Variants in MGAT5B observed in about 807,000 individuals in gnomAD.
MGAT5B encodes the protein alpha-1,6-mannosylglycoprotein 6-beta-N-acetylglucosaminyltransferase B, also known as N-acetylglucosaminyl-transferase Vb.
In MGAT5B, 54 loss-of-function variants were observed where a neutral mutation model predicts 95.1. The observed-to-expected ratio is 0.57, with a 90% CI of 0.46 to 0.71. MGAT5B has a LOEUF of 0.71. Ranked by LOEUF, MGAT5B falls within the 30% of genes least tolerant of loss-of-function variation. MGAT5B has a pLI of 0.00. For missense variants in MGAT5B, 935 were observed against 1,088.6 expected, an observed-to-expected ratio of 0.86 and a Z score of 1.99; for synonymous variants, 464 against 451.0, an observed-to-expected ratio of 1.03 and a Z score of -0.36.
rs11077880 is a variant in MGAT5B at position 76,949,865 on chromosome 17, T to A, written c.*1027T>A. 31,695 of 152,106 alleles carry A rather than the reference T, an allele frequency of 0.21. 3,599 individuals are homozygous for A. Among genetic ancestry groups the A allele is most frequent in the Admixed American group, 0.29 (4,378 of 15,248 alleles). The allele number at this position is 152,106 out of a possible 1,614,324, so 9.4% of individuals were successfully genotyped here. ...ATGGTACGCCCTGCCCAGTTTCCAG[T>A]TGCCCTGTCCACTTACCCTAGGTAG... On this transcript the variant is annotated 3_prime_UTR_variant, in exon 18 of 18. Transcript: ENST00000569840.
intron 8 of MGAT5B, among the ~76,000 whole-genome samples, chr17:76,919,740 C>A (rs894945): frequency 0.34 from 51,717 of 152,108 alleles, 9,734 homozygotes; most frequent in East Asian, 0.7. Context: ...TGGCTTTTTA[C>A]AAACTTGTAG....
At chr17:76,919,942 G>A (rs180822321) in intron 8 of MGAT5B, among the ~76,000 whole-genome samples, 36 of 152,256 alleles carry the variant, frequency 2.4e-4, no homozygotes, top group Middle Eastern at 6.8e-3. Context: ...TAGCTTTTCC[G>A]GGTGGATTAA....
Position 76,938,233 on chromosome 17 carries a change from T to G in MGAT5B, c.1584+90T>G, listed in dbSNP as rs1969739908. On this transcript the variant is annotated intron_variant, in intron 13 of 17. Coordinates refer to ENST00000569840, the MANE Select transcript of MGAT5B (RefSeq NM_001199172.2). The surrounding 1 kb of genome is among the most constrained non-coding windows in gnomAD (Gnocchi z 4.3). ...TGCCTGCCACCACCACTCAGGCCCC[T>G]TCCACATATGGACATACCCCAGCAT... is the stretch of plus-strand genomic sequence containing the variant. 1 of 1,496,406 alleles carries G rather than the reference T, an allele frequency of 6.7e-7. No homozygotes were observed. The highest frequency in any genetic ancestry group is 9.1e-7 in the Non-Finnish European group (1 of 1,093,540). 92.7% of individuals were successfully genotyped at this position (1,496,406 alleles called of 1,614,324 possible).
At chr17:76,875,789 A>C (rs557137914) in intron 2 of MGAT5B, among the ~76,000 whole-genome samples, 1 of 150,312 alleles carries the variant, frequency 6.7e-6, no homozygotes, top group East Asian at 2.0e-4. Flanking sequence ...TGCTGCTATG[A>C]ATATTTCAGT....
At chr17:76,934,675 A>G (rs1969597235) in intron 12 of MGAT5B, among the ~76,000 whole-genome samples, 1 of 152,224 alleles carries the variant, frequency 6.6e-6, no homozygotes, top group Admixed American at 6.5e-5. Context: ...AAACTGGCCC[A>G]AGAGAATGAG....
At chr17:76,872,555 T>A (rs1598882064) in intron 1 of MGAT5B, 1 of 1,036,432 alleles carries the variant, frequency 9.6e-7, no homozygotes, top group East Asian at 2.7e-5. Flanking sequence ...ACTGCAGCTG[T>A]TAATGAACCA....
In MGAT5B at chr17:76,912,919, T is replaced by G. The variant is rs1269355346; in HGVS notation, c.1025+6732T>G. Among the ~76,000 whole-genome samples, 1 of 152,212 alleles carries G rather than the reference T, an allele frequency of 6.6e-6. No homozygotes were observed. The highest frequency in any genetic ancestry group is 1.5e-5 in the Non-Finnish European group (1 of 68,044). On this transcript the variant is annotated intron_variant, in intron 8 of 17. Transcript: ENST00000569840. The surrounding 1 kb of genome is among the most constrained non-coding windows in gnomAD (Gnocchi z 5.0). ...GCGTTTTAAAGTTAAGCCTTTCCCT[T>G]CCTGCTTTCCTAGCATCAGCTGTGC...
At chr17:76,872,571 G>C in intron 1 of MGAT5B, 5 of 1,231,094 alleles carry the variant, frequency 4.1e-6, no homozygotes, top group Non-Finnish European at 5.5e-6. Flanking sequence ...AACCAGCTCT[G>C]CCTGGAGGCT....
Position 76,940,296 on chromosome 17 carries a change from G to A in MGAT5B, c.1585-106G>A. 1 of 1,354,160 alleles carries A rather than the reference G, an allele frequency of 7.4e-7. No individual in the cohort carries two copies. The highest frequency in any genetic ancestry group is 9.8e-7 in the Non-Finnish European group (1 of 1,015,654). 83.9% of individuals were successfully genotyped at this position (1,354,160 alleles called of 1,614,324 possible). ...AAAAATAATCGCTCCAGGCCCAGCT[G>A]CCTCCTGTGAATATCCCGAAGCCTC... On this transcript the variant is annotated intron_variant, in intron 13 of 17. Coordinates refer to ENST00000569840, the MANE Select transcript of MGAT5B (RefSeq NM_001199172.2). The surrounding 1 kb of genome is among the most constrained non-coding windows in gnomAD (Gnocchi z 4.3).
chr17:76,881,030 C>T (rs1967391687), intron 2 of MGAT5B, among the ~76,000 whole-genome samples: 1 of 152,170 alleles, frequency 6.6e-6, no homozygotes, highest in African/African-American at 2.4e-5. Flanking sequence ...GGAGTGATTT[C>T]AAGCCTGATC....
chr17:76,902,647 A>G lies in MGAT5B; in HGVS notation c.422A>G (p.His141Arg). Reference sequence around the variant, plus strand: ...GTGAAGGTGGACCAGATCCTGCGCCACAGTCTGCTCCTGCACAGCAAGGGT... The same window carrying G: ...GTGAAGGTGGACCAGATCCTGCGCCGCAGTCTGCTCCTGCACAGCAAGGGT... ...IAVKVDQILR[H>R]SLLLHSKVSE... Residue 141 changes from histidine to arginine, a missense_variant, in exon 4 of 18, where the codon CAC (histidine) becomes CGC (arginine). Physicochemically the swap from His to Arg is conservative, Grantham distance 29 (BLOSUM62 0). Transcript: ENST00000569840. 3 of 1,595,404 alleles carry G rather than the reference A, an allele frequency of 1.9e-6. No homozygotes were observed. The highest frequency in any genetic ancestry group is 2.7e-5 in the African/African-American group (2 of 74,526).
intron 10 of MGAT5B, among the ~76,000 whole-genome samples, chr17:76,929,730 C>A (rs1969423152): frequency 6.6e-6 from 1 of 152,212 alleles, no homozygotes; most frequent in African/African-American, 2.4e-5. Flanking sequence ...CTGTTCCCAT[C>A]TAGCTGGCTG....
Position 76,912,630 on chromosome 17 carries a change from C to T in MGAT5B, c.1025+6443C>T, listed in dbSNP as rs76502291. Among the ~76,000 whole-genome samples, 3,308 of 152,138 alleles carry T rather than the reference C, an allele frequency of 0.022. 103 individuals carry two copies. Among genetic ancestry groups the T allele is most frequent in the African/African-American group, 0.068 (2,803 of 41,480 alleles). On this transcript the variant is annotated intron_variant, in intron 8 of 17. Coordinates refer to ENST00000569840, the MANE Select transcript of MGAT5B (RefSeq NM_001199172.2). This position sits in a 1 kb window ranked among gnomAD's most constrained non-coding sequence, Gnocchi z 5.0. Reference sequence around the variant, plus strand: ...GCCGGTCCCGCTCTGCTCCTCGGGTCTCGGTGTTTCAATTAACTGGCTCAC... The same window carrying T: ...GCCGGTCCCGCTCTGCTCCTCGGGTTTCGGTGTTTCAATTAACTGGCTCAC...
At position 76,935,269 on chromosome 17, in the gene MGAT5B, C is replaced by G. The variant is rs1969613452; in HGVS notation, c.1428+1972C>G. Among the ~76,000 whole-genome samples, 3 of 152,136 alleles carry G rather than the reference C, an allele frequency of 2.0e-5. No individual in the cohort carries two copies. In the South Asian group the frequency reaches 6.2e-4, roughly 32 times the overall value. ...GAACTTTTCAATCCGTAGGTGGCAA[C>G]CCATGGATAAATTGTGAAGCCAACT... On this transcript the variant is annotated intron_variant, in intron 12 of 17. Coordinates refer to ENST00000569840, the MANE Select transcript of MGAT5B (RefSeq NM_001199172.2).
At chr17:76,892,288 T>C (rs545989639) in intron 3 of MGAT5B, among the ~76,000 whole-genome samples, 50 of 152,312 alleles carry the variant, frequency 3.3e-4, no homozygotes, top group African/African-American at 1.1e-3. Flanking sequence ...CCTCAGGTGA[T>C]CCGCCCGCCC....
chr17:76,900,656 A>G (rs685718), intron 3 of MGAT5B, among the ~76,000 whole-genome samples: 35,215 of 152,148 alleles, frequency 0.23, 6,656 homozygotes, highest in African/African-American at 0.51. Flanking sequence ...CCCTGCTGCC[A>G]CCTCGCTGTC....
At chr17:76,946,569 C>T (rs937304477) in intron 16 of MGAT5B, 119 bp downstream of exon 16, 1 of 824,978 alleles carries the variant, frequency 1.2e-6, no homozygotes, top group South Asian at 2.3e-5. Context: ...CCTGCTCCCT[C>T]CTCCAGCCTG....
chr17:76,932,116 CTT>C (rs1969509088), intron 10 of MGAT5B, among the ~76,000 whole-genome samples: 2 of 107,862 alleles, frequency 1.9e-5, no homozygotes, highest in East Asian at 3.2e-4. Flanking sequence ...TTGTCTTCGT[CTT>C]CTTTGTCTTC....
chr17:76,905,252 C>G lies in MGAT5B; in HGVS notation c.774C>G (p.Thr258=), dbSNP rs750904937. 1 of 1,612,962 alleles carries G rather than the reference C, an allele frequency of 6.2e-7. No homozygotes were observed. Among genetic ancestry groups the G allele is most frequent in the East Asian group, 2.2e-5 (1 of 44,876 alleles). The change falls in exon 7 of 18, where the codon ACC becomes ACG. Residue 258 remains threonine (T), a synonymous_variant. Transcript: ENST00000569840. This position sits in a 1 kb window ranked among gnomAD's most constrained non-coding sequence, Gnocchi z 4.2. ...KESLIFMKKR[T]KRLTAQWALA... is the part of the protein sequence containing the mutation. Reference sequence around the variant, plus strand: ...CCCTGATCTTCATGAAGAAGCGGACCAAGAGGCTCACAGCCCAGTGGGCGC... The same window carrying G: ...CCCTGATCTTCATGAAGAAGCGGACGAAGAGGCTCACAGCCCAGTGGGCGC...
Sources: gnomAD v4.1 joint callset for allele counts (sites outside exome capture counted in the v4.1 genomes callset) on GRCh38, gnomAD v4.1.1 for gene constraint, Gnocchi (gnomAD v3.1) non-coding constraint, MANE v1.5 for transcripts, NCBI Gene and HGNC (gene_info 2026-07-23, HGNC 2026-07-21) for gene names.